CCDC77: variants seen among roughly 807,000 people sequenced by gnomAD.
CCDC77 encodes the protein coiled-coil domain containing 77.
CCDC77 carries 56 observed loss-of-function variants against 66.8 expected under a neutral mutation model. That is an observed-to-expected ratio of 0.84 (90% CI 0.68 to 1.05). The LOEUF is 1.05. CCDC77 is among the 50% of genes least tolerant of loss of function. The pLI is 0.00. For synonymous variants in CCDC77, 196 were observed against 195.2 expected, an observed-to-expected ratio of 1.00 and a Z score of -0.03; for missense variants, 570 against 576.8, an observed-to-expected ratio of 0.99 and a Z score of 0.12.
intron 4 of CCDC77, among the ~76,000 whole-genome samples, chr12:416,413 ATATTTCTT>A (rs2137567588): frequency 2.2e-5 from 1 of 44,478 alleles, no homozygotes; most frequent in Non-Finnish European, 4.4e-5. Flanking sequence ...ATATATATAT[ATATTTCTT>A]TTTTTTTTTT....
Position 431,886 on chromosome 12 carries a change from A to G in CCDC77, c.604A>G (p.Arg202Gly), listed in dbSNP as rs147565210. ...FKADPKISKR[R>G]PSRERKESSE... ...TTTAGATCCTAAAATAAGCAAAAGA[A>G]GACCATCGAGAGAGAGAAAAGAAAG... The change falls in exon 8 of 13, where the codon AGA (arginine) becomes GGA (glycine). Residue 202 changes from arginine (R) to glycine (G), a missense_variant. Coordinates refer to ENST00000239830, the MANE Select transcript of CCDC77 (RefSeq NM_032358.4). 26 of 1,608,696 alleles carry G rather than the reference A, an allele frequency of 1.6e-5. No homozygotes were observed. In the African/African-American group the frequency reaches 3.4e-4, roughly 21 times the overall value.
chr12:410,864 A>T (rs1280679425), intron 3 of CCDC77, among the ~76,000 whole-genome samples: 1 of 152,172 alleles, frequency 6.6e-6, no homozygotes, highest in African/African-American at 2.4e-5. Flanking sequence ...GTCTTATGGT[A>T]CTACATTTTC....
chr12:408,114 T>C (rs1945034574), intron 2 of CCDC77, among the ~76,000 whole-genome samples: 1 of 152,180 alleles, frequency 6.6e-6, no homozygotes, highest in Non-Finnish European at 1.5e-5. Context: ...AAATAGATTA[T>C]ACCAGGTAGA....
chr12:404,371 G>T (rs1306365625), intron 1 of CCDC77, among the ~76,000 whole-genome samples: 11 of 152,202 alleles, frequency 7.2e-5, no homozygotes, highest in Non-Finnish European at 1.6e-4. Flanking sequence ...GAATACAAGT[G>T]AAGGAGTAAC....
In CCDC77 at chr12:441,030, GAA is replaced by G. The variant is rs755986451; in HGVS notation, c.1320+35_1320+36del. 1.1e-5 allele frequency: 17 copies of G among 1,602,120 alleles called. No individual in the cohort carries two copies. In the African/African-American group the frequency reaches 2.1e-4, roughly 20 times the overall value. The stretch of plus-strand genomic sequence containing the variant: ...TGGTCCTGAATTGCCACGAGGGAGA[GAA>G]GAGGTGTAAGTGAGGGAACATGGTC... On this transcript the variant is annotated intron_variant, in intron 12 of 12. Coordinates refer to ENST00000239830, the MANE Select transcript of CCDC77 (RefSeq NM_032358.4).
chr12:416,560 T>C (rs1297624865), intron 4 of CCDC77, among the ~76,000 whole-genome samples: 1 of 149,480 alleles, frequency 6.7e-6, no homozygotes, highest in Admixed American at 6.8e-5. Context: ...GATTATAGGG[T>C]GCGCCACCAC....
intron 5 of CCDC77, among the ~76,000 whole-genome samples, chr12:425,647 A>G (rs1291189660): frequency 2.0e-5 from 3 of 151,828 alleles, no homozygotes; most frequent in African/African-American, 7.3e-5. Context: ...TGATCTTTAC[A>G]TCGGAGGGAA....
chr12:401,927 G>GA (rs1944903860), intron 1 of CCDC77, among the ~76,000 whole-genome samples: 1 of 152,260 alleles, frequency 6.6e-6, no homozygotes, highest in Admixed American at 6.5e-5. Context: ...GATGAAGTGG[G>GA]AAAAGGAGTA....
At chr12:403,633 C>T (rs1467395966) in intron 1 of CCDC77, among the ~76,000 whole-genome samples, 1 of 152,212 alleles carries the variant, frequency 6.6e-6, no homozygotes, top group East Asian at 1.9e-4. Flanking sequence ...GCTGGGACTA[C>T]AGGCACGTGC....
intron 5 of CCDC77, among the ~76,000 whole-genome samples, chr12:425,467 A>G (rs1344821676): frequency 6.6e-6 from 1 of 152,010 alleles, no homozygotes; most frequent in African/African-American, 2.4e-5. Flanking sequence ...CCCAAGCAGC[A>G]GAGCATCCTT....
chr12:409,800 C>A, intron 3 of CCDC77: 1 of 155,116 alleles, frequency 6.4e-6, no homozygotes, highest in Non-Finnish European at 1.4e-5. Flanking sequence ...TTGAGACCAG[C>A]CTGGCCAACA....
At chr12:438,648 A>G (rs1472413676) in intron 10 of CCDC77, 94 bp downstream of exon 10, 7 of 918,790 alleles carry the variant, frequency 7.6e-6, no homozygotes, top group Non-Finnish European at 1.2e-5. Context: ...AGATCCATTC[A>G]GTCCAGGAAG....
intron 1 of CCDC77, among the ~76,000 whole-genome samples, chr12:393,403 A>C (rs1944785001): frequency 6.6e-6 from 1 of 152,068 alleles, no homozygotes; most frequent in African/African-American, 2.4e-5. Flanking sequence ...ATGAGCCACC[A>C]TACGTAGTGC....
At chr12:409,227 A>C in intron 2 of CCDC77, 141 bp from the exon 3 acceptor site, 1 of 656,378 alleles carries the variant, frequency 1.5e-6, no homozygotes. Context: ...AAAAAAAAGA[A>C]AAAAAAAACT....
chr12:394,158 C>G (rs937226978), intron 1 of CCDC77, among the ~76,000 whole-genome samples: 1 of 152,064 alleles, frequency 6.6e-6, no homozygotes, highest in Non-Finnish European at 1.5e-5. Flanking sequence ...AAAGATCTGC[C>G]GTATCTAAGT....
chr12:402,089 G>GA (rs1402061998), intron 1 of CCDC77, among the ~76,000 whole-genome samples: 4 of 152,102 alleles, frequency 2.6e-5, no homozygotes, highest in Non-Finnish European at 4.4e-5. Flanking sequence ...GTGGCTAAAA[G>GA]AAAAAAATTC....
Position 408,814 on chromosome 12 carries a change from T to A in CCDC77, c.-16-554T>A, listed in dbSNP as rs184933423. On this transcript the variant is annotated intron_variant, in intron 2 of 12. Coordinates refer to ENST00000239830, the MANE Select transcript of CCDC77 (RefSeq NM_032358.4). ...TTTGTGTGCTTATCCATTTAAATAT[T>A]CAATGCCATTCTGATTTTTATTTGA... Among the ~76,000 whole-genome samples the A allele has an allele frequency of 1.6e-4, 25 of 152,350 alleles. No individual in the cohort carries two copies. The East Asian group carries it at 4.6e-3, about 28-fold the overall frequency.
chr12:422,836 A>G (rs1380961794), intron 5 of CCDC77, among the ~76,000 whole-genome samples: 2 of 152,120 alleles, frequency 1.3e-5, no homozygotes, highest in Non-Finnish European at 2.9e-5. Flanking sequence ...CTGGTCTCCA[A>G]CTTCCAAGCT....
intron 5 of CCDC77, among the ~76,000 whole-genome samples, chr12:423,477 G>GTTTTTTTTTTTTTTTTTTT (rs1565572179): frequency 2.0e-4 from 5 of 24,956 alleles, no homozygotes; most frequent in Admixed American, 5.8e-4. Context: ...TGTGTTTTTT[G>GTTTTTTTTTTTTTTTTTTT]TGTTTTTTTT....
Sources: gnomAD v4.1 joint callset for allele counts (sites outside exome capture counted in the v4.1 genomes callset) on GRCh38, gnomAD v4.1.1 for gene constraint, MANE v1.5 for transcripts, NCBI Gene and HGNC (gene_info 2026-07-23, HGNC 2026-07-21) for gene names.